ZNF780B: variants seen among roughly 807,000 people sequenced by gnomAD.
The protein encoded by ZNF780B is zinc finger protein 779.
In ZNF780B, 52 loss-of-function variants were observed where a neutral mutation model predicts 74.1. The observed-to-expected ratio is 0.70, with a 90% CI of 0.56 to 0.88. The LOEUF (loss-of-function observed/expected upper bound fraction) is 0.88. Ranked by LOEUF, ZNF780B falls within the 40% of genes least tolerant of loss-of-function variation. The probability of loss-of-function intolerance (pLI) is 0.00; values close to 1 mark genes in which losing one functional copy is unlikely to be tolerated. For synonymous variants in ZNF780B, 315 were observed against 324.3 expected, an observed-to-expected ratio of 0.97 and a Z score of 0.31; for missense variants, 953 against 1,007.6, an observed-to-expected ratio of 0.95 and a Z score of 0.73.
At chr19:40,049,047 G>T in intron 2 of ZNF780B, 1 of 407,250 alleles carries the variant, frequency 2.5e-6, no homozygotes, top group Non-Finnish European at 4.4e-6. Flanking sequence ...AACATAACGA[G>T]ATGCACTCCC....
rs767079418 is a variant in ZNF780B, at chr19:40,035,843, C to A, written c.1016G>T (p.Arg339Ile). 6 of 1,613,928 alleles carry A rather than the reference C, an allele frequency of 3.7e-6. No individual in the cohort carries two copies. In the South Asian group the frequency reaches 6.6e-5, roughly 18 times the overall value. ...CTTTGTCAGAAGAGTAAAGGCCTTT[C>A]TGCATTCTTTACATTCAAAGGGTTT... The part of the protein sequence containing the change: ...GEKPFECKEC[R>I]KAFTLLTKLV... The change falls in exon 5 of 5, where the codon AGA (arginine) becomes ATA (isoleucine). Residue 339 changes from arginine (R) to isoleucine (I), a missense_variant. Physicochemically the swap from Arg to Ile is moderately conservative, Grantham distance 97. Transcript: ENST00000434248.
intron 1 of ZNF780B, chr19:40,055,629 A>G (rs1330445841): frequency 1.3e-5 from 2 of 152,214 alleles, no homozygotes; most frequent in African/African-American, 4.8e-5. Context: ...TCTGAGTTCG[A>G]AGCTGGTTCC....
In ZNF780B at chr19:40,034,853, T is replaced by C. The variant is rs764544378; in HGVS notation, c.2006A>G (p.Tyr669Cys). Residue 669 changes from tyrosine to cysteine, a missense_variant, in exon 5 of 5, where the codon TAT (tyrosine) becomes TGT (cysteine). Transcript: ENST00000434248. ...HQSIHAGVKPYECKECGKGFS... is the reference protein window; with the variant it reads ...HQSIHAGVKPCECKECGKGFS... ...GCCTTTCCCACACTCCTTACATTCA[T>C]ATGGTTTTACACCAGCATGAATACT... is the stretch of plus-strand genomic sequence containing the variant. The C allele has an allele frequency of 3.1e-6, 5 of 1,613,804 alleles. No individual in the cohort carries two copies. Among genetic ancestry groups the C allele is most frequent in the African/African-American group, 2.7e-5 (2 of 74,858 alleles).
At position 40,035,476 on chromosome 19, in the gene ZNF780B, A is replaced by C. The variant is rs536284921; in HGVS notation, c.1383T>G (p.Ile461Met). ...EMAFRYHYQL[I>M]QHCQIHTGGK... ...CACCAGTATGAATTTGGCAATGTTG[A>C]ATAAGTTGGTAATGATATCGAAAGG... is the stretch of plus-strand genomic sequence containing the variant. Residue 461 changes from isoleucine (I) to methionine (M), a missense_variant, in exon 5 of 5, where the codon ATT becomes ATG. Transcript: ENST00000434248. 1.9e-6 allele frequency: 3 copies of C among 1,614,234 alleles called. No homozygotes were observed. The highest frequency in any genetic ancestry group is 2.7e-5 in the African/African-American group (2 of 75,072).
chr19:40,035,468 CA>C lies in ZNF780B; in HGVS notation c.1390del (p.Cys464AlafsTer22), dbSNP rs1474734240. 6 of 1,614,034 alleles carry C rather than the reference CA, an allele frequency of 3.7e-6. No individual in the cohort carries two copies. Among genetic ancestry groups the C allele is most frequent in the Non-Finnish European group, 3.4e-6 (4 of 1,180,006 alleles). On this transcript the variant is annotated frameshift_variant, in exon 5 of 5. Transcript: ENST00000434248. LOFTEE classifies it high-confidence loss of function. ...FRYHYQLIQHCQIHTGGKPFE... is the reference protein window; with the variant it reads ...FRYHYQLIQHXQIHTGGKPFE... ...GGGTTTCCCACCAGTATGAATTTGG[CA>C]ATGTTGAATAAGTTGGTAATGATAT...
At chr19:40,046,781 C>T (rs1301896804) in intron 4 of ZNF780B, among the ~76,000 whole-genome samples, 7 of 152,316 alleles carry the variant, frequency 4.6e-5, no homozygotes, top group South Asian at 4.1e-4. Flanking sequence ...TTGTTCATTA[C>T]CTGTACATTA....
chr19:40,047,182 T>C, intron 4 of ZNF780B, 193 bp downstream of exon 4: 1 of 530,554 alleles, frequency 1.9e-6, no homozygotes, highest in Non-Finnish European at 3.4e-6. Flanking sequence ...TAGTAAATGA[T>C]GAAGTTCCTT....
chr19:40,036,266 C>A lies in ZNF780B; in HGVS notation c.593G>T (p.Cys198Phe), dbSNP rs1972306603. ...TGEKPYKCKECGKAFQLHIQL... is the reference protein window; with the variant it reads ...TGEKPYKCKEFGKAFQLHIQL... ...TATGTGAAGTTGAAAGGCTTTCCCA[C>A]ATTCTTTGCATTTATAGGGTTTCTC... Residue 198 changes from cysteine (C) to phenylalanine (F), a missense_variant, in exon 5 of 5, where the codon TGT becomes TTT. Transcript: ENST00000434248. The A allele has an allele frequency of 1.2e-6, 2 of 1,612,702 alleles. No homozygotes were observed.
intron 4 of ZNF780B, among the ~76,000 whole-genome samples, chr19:40,045,299 T>C (rs2144789889): frequency 1.3e-5 from 2 of 152,118 alleles, no homozygotes; most frequent in Admixed American, 6.6e-5. Flanking sequence ...GAGAGAAAAT[T>C]AACAAAGAAA....
intron 2 of ZNF780B, among the ~76,000 whole-genome samples, chr19:40,049,697 C>T (rs1029105162): frequency 2.0e-5 from 3 of 152,148 alleles, no homozygotes; most frequent in Non-Finnish European, 4.4e-5. Flanking sequence ...CTTATCAAAC[C>T]CACAAGACCA....
chr19:40,035,845 G>A lies in ZNF780B; in HGVS notation c.1014C>T (p.Cys338=). 2 of 1,613,550 alleles carry A rather than the reference G, an allele frequency of 1.2e-6. No individual in the cohort carries two copies. The highest frequency in any genetic ancestry group is 1.7e-6 in the Non-Finnish European group (2 of 1,179,884). ...TTGTCAGAAGAGTAAAGGCCTTTCT[G>A]CATTCTTTACATTCAAAGGGTTTCT... ...TGEKPFECKE[C]RKAFTLLTKL... is the part of the protein sequence containing the mutation. The change falls in exon 5 of 5, where the codon TGC becomes TGT. Residue 338 remains cysteine (C), a synonymous_variant. Coordinates refer to ENST00000434248, the MANE Select transcript of ZNF780B (RefSeq NM_001005851.3).
intron 1 of ZNF780B, among the ~76,000 whole-genome samples, chr19:40,051,939 T>C (rs898148498): frequency 1.3e-5 from 2 of 152,226 alleles, no homozygotes; most frequent in Admixed American, 6.5e-5. Context: ...TTCATATACA[T>C]GTAACATTTT....
chr19:40,041,923 T>A (rs1972663590), intron 4 of ZNF780B, among the ~76,000 whole-genome samples: 1 of 152,182 alleles, frequency 6.6e-6, no homozygotes, highest in South Asian at 2.1e-4. Context: ...GTTAATATTG[T>A]TATGTGTGAA....
intron 4 of ZNF780B, among the ~76,000 whole-genome samples, chr19:40,040,909 C>T (rs551233420): frequency 1.2e-3 from 177 of 152,214 alleles, no homozygotes; most frequent in African/African-American, 4.1e-3. Flanking sequence ...TCTCTATTTC[C>T]TTCAGTTCTG....
At chr19:40,049,365 T>C (rs899140033) in intron 2 of ZNF780B, among the ~76,000 whole-genome samples, 1 of 152,104 alleles carries the variant, frequency 6.6e-6, no homozygotes, top group African/African-American at 2.4e-5. Flanking sequence ...TTTTATAAGC[T>C]GCGTAAAATT....
chr19:40,047,906 T>C (rs539864091), intron 3 of ZNF780B, among the ~76,000 whole-genome samples: 2 of 152,346 alleles, frequency 1.3e-5, no homozygotes, highest in East Asian at 1.9e-4. Flanking sequence ...CTCTCACTCA[T>C]ACGTAGTAGC....
Position 40,034,763 on chromosome 19 carries a change from CA to C in ZNF780B, c.2095del (p.Cys699ValfsTer39), listed in dbSNP as rs1972160197. 6.2e-7 allele frequency: 1 copy of C among 1,613,864 alleles called. No homozygotes were observed. Among genetic ancestry groups the C allele is most frequent in the African/African-American group, 1.3e-5 (1 of 74,846 alleles). ...KTHSSAKPFV[C>X]KECRKTFRYH... ...TCTAAAGGTCTTCCTACACTCCTTACATACAAAGGGTTTCGCACTGGAATGA... is the reference window on the plus strand; with the variant it reads ...TCTAAAGGTCTTCCTACACTCCTTACTACAAAGGGTTTCGCACTGGAATGA... On this transcript the variant is annotated frameshift_variant, in exon 5 of 5. Coordinates refer to ENST00000434248, the MANE Select transcript of ZNF780B (RefSeq NM_001005851.3). LOFTEE classifies it high-confidence loss of function.
chr19:40,046,125 G>C (rs1428512065), intron 4 of ZNF780B, among the ~76,000 whole-genome samples: 1 of 152,184 alleles, frequency 6.6e-6, no homozygotes, highest in Non-Finnish European at 1.5e-5. Flanking sequence ...GGATGAAGAG[G>C]AGTTGGTTAA....
chr19:40,035,360 G>C lies in ZNF780B; in HGVS notation c.1499C>G (p.Pro500Arg). 6.2e-7 allele frequency: 1 copy of C among 1,614,130 alleles called. No homozygotes were observed. The highest frequency in any genetic ancestry group is 2.2e-5 in the East Asian group (1 of 44,884). ...CTTCCCACAGTCTTTACATTCAAAT[G>C]GTTTCTCACCAGTATGAATGTTCTT... ...RHKNIHTGEK[P>R]FECKDCGKAF... is the part of the protein sequence containing the mutation. The change falls in exon 5 of 5, where the codon CCA becomes CGA. Residue 500 changes from proline to arginine, a missense_variant. Coordinates refer to ENST00000434248, the MANE Select transcript of ZNF780B (RefSeq NM_001005851.3).
Sources: gnomAD v4.1 joint callset for allele counts (sites outside exome capture counted in the v4.1 genomes callset) on GRCh38, gnomAD v4.1.1 for gene constraint, MANE v1.5 for transcripts, NCBI Gene and HGNC (gene_info 2026-07-23, HGNC 2026-07-21) for gene names.